The following SHROOM3 variants were observed in gnomAD, a reference collection of about 807,000 sequenced individuals.
The protein encoded by SHROOM3 is shroom family member 3.
A neutral mutation model predicts 138.6 loss-of-function variants in SHROOM3; 47 were observed. The observed-to-expected ratio is 0.34, with a 90% confidence interval of 0.27 to 0.43. The LOEUF (loss-of-function observed/expected upper bound fraction) is 0.43. SHROOM3 is among the 20% of genes least tolerant of loss of function. The probability of loss-of-function intolerance (pLI) is 1.00; values close to 1 mark genes in which losing one functional copy is unlikely to be tolerated. For missense variants in SHROOM3, 2,491 were observed against 2,596.5 expected, an observed-to-expected ratio of 0.96 and a Z score of 0.88; for synonymous variants, 1,062 against 1,063.3, an observed-to-expected ratio of 1.00 and a Z score of 0.02.
At chr4:76,713,358 T>C (rs1720286763) in intron 3 of SHROOM3, among the ~76,000 whole-genome samples, 1 of 152,206 alleles carries the variant, frequency 6.6e-6, no homozygotes, top group African/African-American at 2.4e-5. Context: ...TAAACATTTT[T>C]GTTAAAAACT....
At chr4:76,753,756 T>C (rs909958751) in intron 6 of SHROOM3, among the ~76,000 whole-genome samples, 1 of 152,176 alleles carries the variant, frequency 6.6e-6, no homozygotes, top group African/African-American at 2.4e-5. Flanking sequence ...GGTGAGACTC[T>C]CCCCCTCCTT....
At chr4:76,505,032 C>T (rs1216547431) in intron 1 of SHROOM3, among the ~76,000 whole-genome samples, 1 of 152,150 alleles carries the variant, frequency 6.6e-6, no homozygotes, top group Non-Finnish European at 1.5e-5. Context: ...GACTATTGGG[C>T]TTGAATTTAA....
At chr4:76,557,855 C>T (rs11722444) in intron 2 of SHROOM3, among the ~76,000 whole-genome samples, 6 of 152,176 alleles carry the variant, frequency 3.9e-5, no homozygotes, top group Admixed American at 3.9e-4. Context: ...TTGGCCAACT[C>T]TAGGCATAGG....
At chr4:76,688,345 A>G (rs931336014) in intron 2 of SHROOM3, 2 of 979,846 alleles carry the variant, frequency 2.0e-6, no homozygotes, top group Non-Finnish European at 2.4e-6. Flanking sequence ...GCATTCTGTC[A>G]GGATATAAGA....
At chr4:76,557,369 C>T (rs1011308057) in intron 2 of SHROOM3, among the ~76,000 whole-genome samples, 16 of 151,748 alleles carry the variant, frequency 1.1e-4, no homozygotes, top group African/African-American at 3.9e-4. Flanking sequence ...GTCACAGAAC[C>T]GTAAAAACTG....
intron 1 of SHROOM3, among the ~76,000 whole-genome samples, chr4:76,442,973 A>G (rs7677847): frequency 0.3 from 45,881 of 152,096 alleles, 7,734 homozygotes; most frequent in East Asian, 0.68. Flanking sequence ...GTGTGCACAC[A>G]GGTTACTAGA....
intron 3 of SHROOM3, among the ~76,000 whole-genome samples, chr4:76,725,609 C>T (rs1338333952): frequency 2.0e-5 from 3 of 152,268 alleles, no homozygotes; most frequent in East Asian, 3.9e-4. Context: ...CCCTGGAGCC[C>T]GATCCCGTGT....
chr4:76,465,258 A>G (rs1282160261), intron 1 of SHROOM3, among the ~76,000 whole-genome samples: 1 of 152,236 alleles, frequency 6.6e-6, no homozygotes, highest in Non-Finnish European at 1.5e-5. Context: ...TGTAGTAGCC[A>G]AGGTGGTACA....
intron 1 of SHROOM3, among the ~76,000 whole-genome samples, chr4:76,540,056 C>T (rs961515086): frequency 6.6e-6 from 1 of 152,206 alleles, no homozygotes; most frequent in East Asian, 1.9e-4. Context: ...CCATGTTGGC[C>T]TGGCTGGTCT....
At chr4:76,689,724 G>A (rs1436741838) in intron 2 of SHROOM3, 2 of 985,530 alleles carry the variant, frequency 2.0e-6, no homozygotes, top group South Asian at 4.7e-5. Context: ...GGGCGGCTGG[G>A]CACGGAGAGG....
At chr4:76,596,774 A>C (rs1444999513) in intron 2 of SHROOM3, among the ~76,000 whole-genome samples, 1 of 152,174 alleles carries the variant, frequency 6.6e-6, no homozygotes, top group African/African-American at 2.4e-5. Flanking sequence ...TTGCAACAAC[A>C]ATAACAAAAT....
chr4:76,726,341 G>T (rs936399477), intron 3 of SHROOM3, among the ~76,000 whole-genome samples: 2 of 151,786 alleles, frequency 1.3e-5, no homozygotes, highest in Non-Finnish European at 2.9e-5. Flanking sequence ...TTGTCTCCCT[G>T]TTCATTCTCC....
At chr4:76,749,263 T>A (rs1483070307) in intron 6 of SHROOM3, among the ~76,000 whole-genome samples, 173 bp downstream of exon 6, 1 of 152,210 alleles carries the variant, frequency 6.6e-6, no homozygotes, top group African/African-American at 2.4e-5. Context: ...TACTTTAAGT[T>A]TTAGGGTACA....
At chr4:76,606,995 CTGTGTGTG>C (rs142329345) in intron 2 of SHROOM3, among the ~76,000 whole-genome samples, 3 of 150,994 alleles carry the variant, frequency 2.0e-5, no homozygotes, top group Non-Finnish European at 4.4e-5. Context: ...TGTTCAAAAA[CTGTGTGTG>C]TGTGTGTGTC....
intron 2 of SHROOM3, among the ~76,000 whole-genome samples, chr4:76,660,457 G>A (rs996624809): frequency 7.9e-5 from 12 of 151,984 alleles, no homozygotes; most frequent in Admixed American, 2.0e-4. Context: ...CATATTGGTT[G>A]CATTATTTTT....
intron 1 of SHROOM3, among the ~76,000 whole-genome samples, chr4:76,452,413 G>A (rs1188926101): frequency 2.0e-5 from 3 of 152,132 alleles, no homozygotes; most frequent in Non-Finnish European, 4.4e-5. Flanking sequence ...CTTAGCCCCT[G>A]GCAACCGCCA....
chr4:76,598,824 A>T (rs17002120), intron 2 of SHROOM3, among the ~76,000 whole-genome samples: 7,272 of 152,270 alleles, frequency 0.048, 567 homozygotes, highest in African/African-American at 0.16. Flanking sequence ...ATAAATAATT[A>T]AAAGGCAGAG....
At chr4:76,581,094 A>T (rs149047808) in intron 2 of SHROOM3, among the ~76,000 whole-genome samples, 3 of 151,662 alleles carry the variant, frequency 2.0e-5, no homozygotes, top group Admixed American at 6.6e-5. Context: ...TTTTTTTTTC[A>T]TTCCTAAGAA....
In SHROOM3 at chr4:76,741,864, G is replaced by A. The variant is rs1721268215; in HGVS notation, c.3691G>A (p.Val1231Ile). Residue 1231 changes from valine (V) to isoleucine (I), a missense_variant, in exon 5 of 11, where the codon GTC (valine) becomes ATC (isoleucine). Around this residue, in one of 4 missense-constraint regions of SHROOM3, gnomAD observed 1,733 missense variants for 1,661.6 expected, o/e 1.04. Transcript: ENST00000296043. The surrounding 1 kb of genome is among the most constrained non-coding windows in gnomAD (Gnocchi z 6.2). ...CGAGGACCTGCTGGAACGCTCGGACGTCCTTGCGGGCCCTGTCCATGTGAG... is the reference window on the plus strand; with the variant it reads ...CGAGGACCTGCTGGAACGCTCGGACATCCTTGCGGGCCCTGTCCATGTGAG... ...SAEDLLERSD[V>I]LAGPVHVRSR... 1.2e-6 allele frequency: 2 copies of A among 1,611,322 alleles called. No individual in the cohort carries two copies. The highest frequency in any genetic ancestry group is 1.3e-5 in the African/African-American group (1 of 74,926).
Sources: gnomAD v4.1 joint callset for allele counts (sites outside exome capture counted in the v4.1 genomes callset) on GRCh38, gnomAD v4.1.1 for gene constraint, gnomAD v4.1.1 regional missense constraint, Gnocchi (gnomAD v3.1) non-coding constraint, MANE v1.5 for transcripts, NCBI Gene and HGNC (gene_info 2026-07-23, HGNC 2026-07-21) for gene names.